CXCL12: variants seen among roughly 807,000 people sequenced by gnomAD.
CXCL12 encodes C-X-C motif chemokine ligand 12.
A neutral mutation model predicts 10.7 loss-of-function variants in CXCL12; 4 were observed. The observed-to-expected ratio is 0.37, with a 90% confidence interval of 0.18 to 0.86. The LOEUF is 0.86. Ranked by LOEUF, CXCL12 falls within the 40% of genes least tolerant of loss-of-function variation. The pLI, the probability that CXCL12 is intolerant of heterozygous loss-of-function variation, is 0.43. For missense variants in CXCL12, 122 were observed against 110.4 expected (o/e 1.10, Z -0.47); for synonymous variants, 54 against 45.4 (o/e 1.19, Z -0.77).
Position 44,384,979 on chromosome 10 carries a change from C to G in CXCL12, c.27G>C (p.Leu9=). The G allele has an allele frequency of 3.2e-6, 5 of 1,544,322 alleles. No individual in the cohort carries two copies. The highest frequency in any genetic ancestry group is 4.3e-6 in the Non-Finnish European group (5 of 1,157,612). The change falls in exon 1 of 3, where the codon CTG becomes CTC. Residue 9 remains leucine, a synonymous_variant. Transcript: ENST00000343575. The stretch of plus-strand genomic sequence containing the variant: ...GGCAGAGCGCGGTCAGCACGAGGAC[C>G]AGCACGACCACGACCTTGGCGTTCA... MNAKVVVV[L]VLVLTALCLS... is the part of the protein sequence containing the mutation.
chr10:44,377,629 C>A lies in CXCL12; in HGVS notation c.*1004G>T. 6.5e-7 allele frequency: 1 copy of A among 1,533,722 alleles called. No individual in the cohort carries two copies. ...AAACCTCAGAGTTTGTTAGTGCCTC[C>A]ATGGCATACATAGGCTTCAGAGGCA... On this transcript the variant is annotated 3_prime_UTR_variant, in exon 3 of 3. Coordinates refer to ENST00000343575, the MANE Select transcript of CXCL12 (RefSeq NM_199168.4).
chr10:44,372,707 T>A (rs1052986799), downstream of CXCL12: 1 of 1,426,430 alleles, frequency 7.0e-7, no homozygotes, highest in Admixed American at 2.9e-5. Context: ...ACGTGGAGGA[T>A]GTGGAGGTGC....
chr10:44,373,297 A>T (rs1007449715), downstream of CXCL12: 1 of 1,602,162 alleles, frequency 6.2e-7, no homozygotes, highest in Admixed American at 1.7e-5. Context: ...CTGGGCTCCT[A>T]CTGTAAGGGT....
intron 1 of CXCL12, among the ~76,000 whole-genome samples, chr10:44,382,314 A>G (rs1839655911): frequency 6.6e-6 from 1 of 152,210 alleles, no homozygotes; most frequent in African/African-American, 2.4e-5. Context: ...CTGTAACCAG[A>G]TCACCTGGGA....
At chr10:44,372,516 TG>T, downstream of CXCL12, 1 of 598,588 alleles carries the variant, frequency 1.7e-6, no homozygotes, top group Non-Finnish European at 2.3e-6. Context: ...GATTGGACAA[TG>T]GACAATATTC....
In CXCL12 at chr10:44,377,444, A is replaced by G. The variant is rs1204410299; in HGVS notation, c.*1189T>C. On this transcript the variant is annotated 3_prime_UTR_variant, in exon 3 of 3. Transcript: ENST00000343575. The stretch of plus-strand genomic sequence containing the variant: ...ATATATAAAAAAATGCCTTGCAAAA[A>G]GTTACAAATACCACCAGGACCTTCT... 11 of 1,156,500 alleles carry G rather than the reference A, an allele frequency of 9.5e-6. No individual in the cohort carries two copies. The highest frequency in any genetic ancestry group is 1.2e-5 in the Non-Finnish European group (11 of 939,854). 71.6% of individuals were successfully genotyped at this position (1,156,500 alleles called of 1,614,324 possible). A position where few individuals can be genotyped will look rare whatever the true frequency, so the allele number is the denominator to read the frequency against.
downstream of CXCL12, chr10:44,370,913 G>A (rs958190421): frequency 3.2e-5 from 5 of 153,924 alleles, no homozygotes; most frequent in African/African-American, 1.2e-4. Flanking sequence ...ACGAGCCTCT[G>A]GCCCCTTCCT....
downstream of CXCL12, chr10:44,375,784 G>C: frequency 7.1e-7 from 1 of 1,413,476 alleles, no homozygotes; most frequent in Non-Finnish European, 9.4e-7. Context: ...AAATACAGAA[G>C]CCGGTGTGGC....
In CXCL12 at chr10:44,378,127, G is replaced by A; in HGVS notation, c.*506C>T. ...CCACAGAGGCCTTCCTCTTGGGAGG[G>A]GCGCTGCTGCGGGAGCCTCAGTGTC... On this transcript the variant is annotated 3_prime_UTR_variant, in exon 3 of 3. Coordinates refer to ENST00000343575, the MANE Select transcript of CXCL12 (RefSeq NM_199168.4). 4.2e-6 allele frequency: 6 copies of A among 1,441,486 alleles called. No homozygotes were observed. In the South Asian group the frequency reaches 8.8e-5, roughly 21 times the overall value. 89.3% of individuals were successfully genotyped at this position (1,441,486 alleles called of 1,614,324 possible).
intron 1 of CXCL12, among the ~76,000 whole-genome samples, chr10:44,383,224 GAAAAC>G (rs971807105): frequency 2.6e-5 from 4 of 152,176 alleles, no homozygotes; most frequent in Admixed American, 6.5e-5. Context: ...GAGGTGAGGG[GAAAAC>G]AAAACAAAAC....
chr10:44,376,109 C>T (rs77131094), downstream of CXCL12: 9,797 of 1,514,688 alleles, frequency 6.5e-3, 51 homozygotes, highest in Non-Finnish European at 8.0e-3. Flanking sequence ...AGATTTAACA[C>T]TGGCCCGTGT....
chr10:44,376,098 A>G (rs1839442142), downstream of CXCL12: 6 of 1,569,266 alleles, frequency 3.8e-6, no homozygotes, highest in Non-Finnish European at 4.4e-6. Context: ...CAGTCTGCAT[A>G]AGATTTAACA....
In CXCL12 at chr10:44,378,147, A is replaced by G; in HGVS notation, c.*486T>C. ...GGAGGGGCGCTGCTGCGGGAGCCTCAGTGTCTGAAGAAAGGACACTTTTTC... is the reference window on the plus strand; with the variant it reads ...GGAGGGGCGCTGCTGCGGGAGCCTCGGTGTCTGAAGAAAGGACACTTTTTC... On this transcript the variant is annotated 3_prime_UTR_variant, in exon 3 of 3. Coordinates refer to ENST00000343575, the MANE Select transcript of CXCL12 (RefSeq NM_199168.4). 6 of 1,432,160 alleles carry G rather than the reference A, an allele frequency of 4.2e-6. No homozygotes were observed. The highest frequency in any genetic ancestry group is 2.9e-5 in the South Asian group (2 of 69,230). 88.7% of individuals were successfully genotyped at this position (1,432,160 alleles called of 1,614,324 possible). A position where few individuals can be genotyped will look rare whatever the true frequency, so the allele number is the denominator to read the frequency against.
chr10:44,380,825 A>G lies in CXCL12; in HGVS notation c.117T>C (p.Val39=). ...RCPCRFFESH[V]ARANVKHLKI... is the part of the protein sequence containing the mutation. ...TGAGATGCTTGACGTTGGCTCTGGC[A>G]ACATGGCTTTCGAAGAATCGGCATG... Residue 39 remains valine, a synonymous_variant, in exon 2 of 3, where the codon GTT becomes GTC. Coordinates refer to ENST00000343575, the MANE Select transcript of CXCL12 (RefSeq NM_199168.4). 1 of 1,614,220 alleles carries G rather than the reference A, an allele frequency of 6.2e-7. No individual in the cohort carries two copies. The highest frequency in any genetic ancestry group is 8.5e-7 in the Non-Finnish European group (1 of 1,180,038).
chr10:44,384,444 G>T (rs1839733654), intron 1 of CXCL12, among the ~76,000 whole-genome samples: 1 of 152,210 alleles, frequency 6.6e-6, no homozygotes, highest in Non-Finnish European at 1.5e-5. Context: ...CTGCGCGGCT[G>T]CATCGGACCT....
downstream of CXCL12, among the ~76,000 whole-genome samples, chr10:44,373,786 G>A (rs963366408): frequency 2.0e-5 from 3 of 152,210 alleles, no homozygotes; most frequent in African/African-American, 7.2e-5. Flanking sequence ...TCTCAGCCAG[G>A]GGCCATGCCA....
At chr10:44,379,115 T>C (rs1839551934) in intron 2 of CXCL12, among the ~76,000 whole-genome samples, 1 of 152,042 alleles carries the variant, frequency 6.6e-6, no homozygotes, top group Non-Finnish European at 1.5e-5. Flanking sequence ...CAGGATGCTC[T>C]AGGTACCTGG....
chr10:44,371,414 C>A, downstream of CXCL12: 1 of 445,648 alleles, frequency 2.2e-6, no homozygotes, highest in East Asian at 6.7e-5. Context: ...ATAATGACTG[C>A]CCCACTGAAA....
chr10:44,376,965 G>C (rs1380081109), downstream of CXCL12: 7 of 310,470 alleles, frequency 2.3e-5, no homozygotes, highest in Non-Finnish European at 3.3e-5. Context: ...TAATCTGCTC[G>C]TGAGAAAAGC....
Sources: allele counts gnomAD v4.1 joint callset (sites outside exome capture counted in the v4.1 genomes callset), GRCh38; gene constraint gnomAD v4.1.1; transcripts MANE v1.5; gene names NCBI Gene and HGNC (gene_info 2026-07-23, HGNC 2026-07-21).